DLG2: variants seen among roughly 807,000 people sequenced by gnomAD.
DLG2 encodes the protein disks large homolog 2.
In DLG2, 45 loss-of-function variants were observed where a neutral mutation model predicts 132.5. The observed-to-expected ratio is 0.34, with a 90% CI of 0.27 to 0.44. DLG2 has a LOEUF of 0.44. Among genes scored for constraint, DLG2 ranks in the 20% least tolerant of loss-of-function variants. The pLI, the probability that DLG2 is intolerant of heterozygous loss-of-function variation, is 1.00. For synonymous variants in DLG2, 424 were observed against 419.6 expected, an observed-to-expected ratio of 1.01 and a Z score of -0.13; for missense variants, 1,045 against 1,196.9, an observed-to-expected ratio of 0.87 and a Z score of 1.87.
chr11:84,291,755 C>G (rs539644071), intron 7 of DLG2, among the ~76,000 whole-genome samples: 68 of 152,240 alleles, frequency 4.5e-4, no homozygotes, highest in African/African-American at 1.6e-3. Flanking sequence ...TTCTATAAAC[C>G]TATTTCTTCA....
intron 4 of DLG2, among the ~76,000 whole-genome samples, chr11:85,267,914 G>A (rs2077316313): frequency 6.6e-6 from 1 of 151,468 alleles, no homozygotes. Flanking sequence ...GTGTACGTAT[G>A]TGTGTGTTCC....
intron 11 of DLG2, among the ~76,000 whole-genome samples, chr11:84,053,124 T>C (rs2096430884): frequency 6.6e-6 from 1 of 152,002 alleles, no homozygotes; most frequent in African/African-American, 2.4e-5. Context: ...GAGACATAGA[T>C]GGAATTGGAA....
At chr11:83,784,898 A>C (rs1462630403) in intron 18 of DLG2, among the ~76,000 whole-genome samples, 1 of 152,234 alleles carries the variant, frequency 6.6e-6, no homozygotes, top group Non-Finnish European at 1.5e-5. Flanking sequence ...TTATGTTGCA[A>C]TGTCAGGCGA....
rs1191294398 is a variant in DLG2 at position 84,518,501 on chromosome 11, C to A, written c.519+16069G>T. On this transcript the variant is annotated intron_variant, in intron 7 of 27. Transcript: ENST00000376104. The stretch of plus-strand genomic sequence containing the variant: ...ATTTCCCAGGGCCCCAATATATTCA[C>A]CTTAAGAAAACAAAAAGCAAACAAA... Among the ~76,000 whole-genome samples the A allele has an allele frequency of 5.3e-5, 8 of 152,072 alleles. No individual in the cohort carries two copies. In the East Asian group the frequency reaches 1.3e-3, roughly 26 times the overall value.
intron 6 of DLG2, among the ~76,000 whole-genome samples, chr11:85,064,900 C>A (rs1426824462): frequency 6.6e-6 from 1 of 151,592 alleles, no homozygotes; most frequent in Non-Finnish European, 1.5e-5. Flanking sequence ...TTCTCTCTCT[C>A]TCTCTTTCTC....
At chr11:85,521,657 C>T (rs2074319623) in intron 3 of DLG2, among the ~76,000 whole-genome samples, 2 of 152,098 alleles carry the variant, frequency 1.3e-5, no homozygotes, top group African/African-American at 4.8e-5. Flanking sequence ...TACTGAATGG[C>T]TTTGAACAAA....
intron 7 of DLG2, among the ~76,000 whole-genome samples, chr11:84,371,766 CT>C (rs764330179): frequency 4.6e-5 from 7 of 152,066 alleles, no homozygotes; most frequent in Non-Finnish European, 7.4e-5. Flanking sequence ...AAATTTTCTA[CT>C]TTTAGAAAAC....
intron 22 of DLG2, chr11:83,480,313 C>A: frequency 7.5e-7 from 1 of 1,325,190 alleles, no homozygotes; most frequent in Admixed American, 2.0e-5. Flanking sequence ...CTGAAATGAC[C>A]ACCACAGGCA....
At chr11:84,784,349 TAAA>T (rs771541487) in intron 6 of DLG2, among the ~76,000 whole-genome samples, 168 of 147,614 alleles carry the variant, frequency 1.1e-3, no homozygotes, top group African/African-American at 2.9e-3. Flanking sequence ...AATAAATAAA[TAAA>T]TAAATAAATA....
chr11:83,929,256 C>T (rs2079655646), intron 15 of DLG2, among the ~76,000 whole-genome samples: 1 of 151,952 alleles, frequency 6.6e-6, no homozygotes, highest in African/African-American at 2.4e-5. Context: ...CTTAGCAGAC[C>T]CTCTTGATAT....
intron 6 of DLG2, among the ~76,000 whole-genome samples, chr11:85,075,498 G>T (rs919591935): frequency 2.6e-5 from 4 of 151,678 alleles, no homozygotes; most frequent in African/African-American, 9.7e-5. Context: ...ATCCAAATAT[G>T]GCCAAATAGA....
intron 6 of DLG2, among the ~76,000 whole-genome samples, chr11:84,714,611 T>TTCTTTCTCTCTCTCTCTCTCTC (rs2060932084): frequency 2.1e-5 from 2 of 93,510 alleles, no homozygotes; most frequent in African/African-American, 9.3e-5. Context: ...CTCTTTCTCT[T>TTCTTTCTCTCTCTCTCTCTCTC]TCTCTTTCTC....
chr11:83,693,856 G>C (rs1015906846), intron 18 of DLG2: 1 of 152,154 alleles, frequency 6.6e-6, no homozygotes, highest in African/African-American at 2.4e-5. Flanking sequence ...GGGTTTCTCG[G>C]GTTTGTGAGC....
intron 9 of DLG2, among the ~76,000 whole-genome samples, chr11:84,111,042 G>C (rs10792720): frequency 0.81 from 122,857 of 151,636 alleles, 49,956 homozygotes; most frequent in Middle Eastern, 0.89. Context: ...AATTCTCTAA[G>C]TGATTCACAA....
chr11:84,470,610 T>G (rs1567718822), intron 7 of DLG2, among the ~76,000 whole-genome samples: 1 of 151,868 alleles, frequency 6.6e-6, no homozygotes. Flanking sequence ...TAAAAGTAAG[T>G]ATGCAACGTA....
intron 7 of DLG2, among the ~76,000 whole-genome samples, chr11:84,420,338 T>C (rs2098944435): frequency 6.6e-6 from 1 of 152,182 alleles, no homozygotes; most frequent in Admixed American, 6.5e-5. Context: ...AGTCCCTTTC[T>C]TCCCCCACTC....
chr11:83,736,771 A>G (rs998804508), intron 18 of DLG2, among the ~76,000 whole-genome samples: 4 of 152,230 alleles, frequency 2.6e-5, no homozygotes, highest in Admixed American at 6.5e-5. Context: ...AACTTGAAGA[A>G]CAGCTTTGAT....
chr11:85,220,172 C>T (rs1332265559), intron 4 of DLG2, among the ~76,000 whole-genome samples: 1 of 151,918 alleles, frequency 6.6e-6, no homozygotes, highest in African/African-American at 2.4e-5. Flanking sequence ...TAAAACTCTG[C>T]ACATGATATC....
chr11:84,502,218 CCTTCCTTCCTTCCTTCCT>C (rs1567803618), intron 7 of DLG2, among the ~76,000 whole-genome samples: 599 of 11,668 alleles, frequency 0.051, 117 homozygotes, highest in Non-Finnish European at 0.061. Flanking sequence ...TTCCTTCCTT[CCTTCCTTCCTTCCTTCCT>C]TCCTTCCTTC....
Sources: gnomAD v4.1 joint callset for allele counts (sites outside exome capture counted in the v4.1 genomes callset) on GRCh38, gnomAD v4.1.1 for gene constraint, MANE v1.5 for transcripts, NCBI Gene and HGNC (gene_info 2026-07-23, HGNC 2026-07-21) for gene names.